The following RIPOR2 variants were observed in gnomAD, a reference collection of about 807,000 sequenced individuals.
RIPOR2 encodes rho family-interacting cell polarization regulator 2.
A neutral mutation model predicts 114.5 loss-of-function variants in RIPOR2; 39 were observed. That is an observed-to-expected ratio of 0.34 (90% CI 0.26 to 0.44). The LOEUF is 0.44. RIPOR2 is among the 20% of genes least tolerant of loss of function. The probability of loss-of-function intolerance (pLI) is 1.00; values close to 1 mark genes in which losing one functional copy is unlikely to be tolerated. For synonymous variants in RIPOR2, 445 were observed against 484.4 expected (o/e 0.92, Z 1.07); for missense variants, 1,007 against 1,255.1 (o/e 0.80, Z 2.99).
intron 1 of RIPOR2, among the ~76,000 whole-genome samples, chr6:24,967,603 C>G (rs146991334): frequency 4.1e-4 from 63 of 152,286 alleles, no homozygotes; most frequent in African/African-American, 1.4e-3. Context: ...ATCCAAGGAT[C>G]TGTTTATAAC....
intron 1 of RIPOR2, among the ~76,000 whole-genome samples, chr6:24,900,463 T>C (rs1195134665): frequency 6.6e-6 from 1 of 152,206 alleles, no homozygotes; most frequent in African/African-American, 2.4e-5. Flanking sequence ...GATGTTTCAT[T>C]GTATGAGAAG....
intron 1 of RIPOR2, 40 bp from the exon 2 acceptor site, chr6:24,875,857 G>A: frequency 6.4e-7 from 1 of 1,560,612 alleles, no homozygotes; most frequent in Non-Finnish European, 8.7e-7. Context: ...TTATAGGCAG[G>A]TTCAGACAGA....
intron 1 of RIPOR2, among the ~76,000 whole-genome samples, chr6:24,944,703 A>G (rs1031207168): frequency 1.3e-5 from 2 of 152,348 alleles, no homozygotes; most frequent in East Asian, 1.9e-4. Context: ...AAGAAGCTCA[A>G]TGAATTTCAA....
intron 1 of RIPOR2, among the ~76,000 whole-genome samples, chr6:24,979,283 CTTTTTT>C (rs60372040): frequency 0.015 from 1,492 of 99,456 alleles, 23 homozygotes; most frequent in African/African-American, 0.052. Flanking sequence ...TAGGGAAATT[CTTTTTT>C]TTTTTTTTTT....
intron 1 of RIPOR2, among the ~76,000 whole-genome samples, chr6:24,896,632 C>T (rs1335542942): frequency 3.3e-5 from 5 of 152,150 alleles, no homozygotes; most frequent in East Asian, 1.9e-4. Flanking sequence ...AGGCTGGGCA[C>T]GGTGGCTCAC....
In RIPOR2 at chr6:24,976,357, A is replaced by G. The variant is rs530203536; in HGVS notation, c.76+65494T>C. ...ACTAAATTATTCTAGAAAATATGAT[A>G]TTAAGAAACGAGAAAAGGCTTTGCA... On this transcript the variant is annotated intron_variant, in intron 1 of 13. Coordinates refer to the RIPOR2 transcript ENST00000510784. 5 of 1,045,636 alleles carry G rather than the reference A, an allele frequency of 4.8e-6. No homozygotes were observed. The South Asian group carries it at 5.5e-5, about 11-fold the overall frequency. The allele number at this position is 1,045,636 out of a possible 1,614,324, so 64.8% of individuals were successfully genotyped here.
rs149462145 is a variant in RIPOR2 at position 24,961,538 on chromosome 6, G to A, written c.76+80313C>T. 8.7e-4 allele frequency among the ~76,000 whole-genome samples: 133 copies of A among 152,218 alleles called. 4 individuals are homozygous for A. In the East Asian group the frequency reaches 0.019, roughly 21 times the overall value. On this transcript the variant is annotated intron_variant, in intron 1 of 13. Transcript: ENST00000510784. ...CCAAGCCTCACTTTCCTTGTATATGGGGTGGCTGCTGTCATAGGCAGTAAG... is the reference window on the plus strand; with the variant it reads ...CCAAGCCTCACTTTCCTTGTATATGAGGTGGCTGCTGTCATAGGCAGTAAG...
At chr6:25,001,752 T>G (rs1581935201) in intron 1 of RIPOR2, among the ~76,000 whole-genome samples, 1 of 140,400 alleles carries the variant, frequency 7.1e-6, no homozygotes, top group East Asian at 2.2e-4. Flanking sequence ...CAGGCTGGAG[T>G]GCAGTGGCGC....
intron 1 of RIPOR2, among the ~76,000 whole-genome samples, chr6:24,970,110 A>G (rs1378054401): frequency 1.3e-5 from 2 of 151,858 alleles, no homozygotes; most frequent in Non-Finnish European, 2.9e-5. Flanking sequence ...AAGGAAAGAG[A>G]CCTTCAGGGC....
chr6:24,993,870 T>A (rs1774936967), intron 1 of RIPOR2, among the ~76,000 whole-genome samples: 2 of 152,256 alleles, frequency 1.3e-5, no homozygotes, highest in African/African-American at 4.8e-5. Flanking sequence ...ATATTTACTA[T>A]CTGACTCCTG....
chr6:24,888,189 A>C (rs1767001749), intron 1 of RIPOR2, among the ~76,000 whole-genome samples: 3 of 152,200 alleles, frequency 2.0e-5, no homozygotes, highest in Non-Finnish European at 4.4e-5. Flanking sequence ...AGCTTGGCTG[A>C]TCCAGCTGAG....
intron 1 of RIPOR2, among the ~76,000 whole-genome samples, chr6:24,973,876 T>C (rs946199549): frequency 1.3e-5 from 2 of 152,250 alleles, no homozygotes; most frequent in Admixed American, 1.3e-4. Context: ...TTCTTACTTA[T>C]AAGTGGGAGC....
chr6:24,913,150 A>T (rs1294821828), intron 1 of RIPOR2, among the ~76,000 whole-genome samples: 7 of 149,266 alleles, frequency 4.7e-5, no homozygotes, highest in Non-Finnish European at 8.9e-5. Flanking sequence ...GCATGACTTG[A>T]GTGTGTGTGT....
intron 21 of RIPOR2, among the ~76,000 whole-genome samples, chr6:24,807,299 T>C (rs536804995): frequency 6.6e-6 from 1 of 152,194 alleles, no homozygotes; most frequent in African/African-American, 2.4e-5. Flanking sequence ...AAACCCCATC[T>C]CTACCAAAAA....
upstream of RIPOR2, chr6:25,042,164 G>A: frequency 6.9e-6 from 3 of 433,590 alleles, no homozygotes; most frequent in South Asian, 1.0e-4. Flanking sequence ...GGCAGCTGCT[G>A]TGCTGGGCTG....
chr6:24,847,610 G>A (rs1762443196), intron 12 of RIPOR2: 1 of 1,551,700 alleles, frequency 6.4e-7, no homozygotes, highest in African/African-American at 1.4e-5. Flanking sequence ...CGGCTGCGGT[G>A]CAGCTTGGCA....
Position 24,849,956 on chromosome 6 carries a change from A to G in RIPOR2, c.886-6T>C. On this transcript the variant is annotated splice_region_variant and splice_polypyrimidine_tract_variant and intron_variant, in intron 10 of 21. Transcript: ENST00000643898. ...AGCCCTTTGAGCTCCGTGACCTAGC[A>G]GAGAGAGTGGGAGAGAATAGGCCTT... is the stretch of plus-strand genomic sequence containing the variant. The G allele has an allele frequency of 1.2e-6, 2 of 1,612,944 alleles. No individual in the cohort carries two copies. Among genetic ancestry groups the G allele is most frequent in the South Asian group, 2.2e-5 (2 of 91,016 alleles).
intron 5 of RIPOR2, among the ~76,000 whole-genome samples, chr6:24,869,380 C>A (rs1409026728): frequency 6.7e-6 from 1 of 148,810 alleles, no homozygotes; most frequent in Non-Finnish European, 1.5e-5. Flanking sequence ...CACAATGGCA[C>A]AATCTGAGCT....
intron 1 of RIPOR2, among the ~76,000 whole-genome samples, chr6:25,006,684 C>G (rs535141442): frequency 7.5e-4 from 114 of 152,288 alleles, no homozygotes; most frequent in African/African-American, 2.6e-3. Context: ...TGGCCTTGCA[C>G]AAGTTTTTGA....
Sources: allele counts gnomAD v4.1 joint callset (sites outside exome capture counted in the v4.1 genomes callset), GRCh38; gene constraint gnomAD v4.1.1; transcripts MANE v1.5; gene names NCBI Gene and HGNC (gene_info 2026-07-23, HGNC 2026-07-21).